The following ZNF665 variants were observed in gnomAD, a reference collection of about 807,000 sequenced individuals.
ZNF665 encodes zinc finger protein 665.
In ZNF665, 6 loss-of-function variants were observed where a neutral mutation model predicts 7.9. The observed-to-expected ratio is 0.76, with a 90% CI of 0.42 to 1.50. The LOEUF (loss-of-function observed/expected upper bound fraction) is 1.50, where lower values mean the gene tolerates loss of function less well. ZNF665 is among the 40% of genes most tolerant of loss of function. The pLI is 0.01. For synonymous variants in ZNF665, 242 were observed against 274.5 expected, an observed-to-expected ratio of 0.88 and a Z score of 1.17; for missense variants, 819 against 806.7, an observed-to-expected ratio of 1.02 and a Z score of -0.18.
chr19:53,173,708 G>A (rs1478923778), intron 3 of ZNF665, among the ~76,000 whole-genome samples: 1 of 152,002 alleles, frequency 6.6e-6, no homozygotes, highest in Non-Finnish European at 1.5e-5. Context: ...ACTGGTTGAT[G>A]TGTCTATTTT....
chr19:53,165,491 C>G lies in ZNF665; in HGVS notation c.999G>C (p.Leu333=), dbSNP rs762816780. The change falls in exon 4 of 4, where the codon CTG becomes CTC. Residue 333 remains leucine, a synonymous_variant. Transcript: ENST00000396424. ...CGKAFSVRSS[L]TTHQTIHTGE... Reference sequence around the variant, plus strand: ...CAGTGTGGATTGTCTGATGGGTAGTCAGGCTTGAGCGAACACTAAAGGCTT... The same window carrying G: ...CAGTGTGGATTGTCTGATGGGTAGTGAGGCTTGAGCGAACACTAAAGGCTT... 3.1e-6 allele frequency: 5 copies of G among 1,606,878 alleles called. No homozygotes were observed. Among genetic ancestry groups the G allele is most frequent in the Non-Finnish European group, 4.2e-6 (5 of 1,177,562 alleles).
In ZNF665 at chr19:53,165,130, C is replaced by T. The variant is rs1437005866; in HGVS notation, c.1360G>A (p.Gly454Arg). ...SLTTHQAIHTGEKPYKCNDCG... is the reference protein window; with the variant it reads ...SLTTHQAIHTREKPYKCNDCG... ...TCATTACATTTGTAAGGCTTTTCTC[C>T]AGTATGAATTGCCTGATGGGTAGTT... Residue 454 changes from glycine (G) to arginine (R), a missense_variant, in exon 4 of 4, where the codon GGA (glycine) becomes AGA (arginine). Physicochemically the swap from Gly to Arg is moderately radical, Grantham distance 125. Transcript: ENST00000396424. 1.2e-6 allele frequency: 2 copies of T among 1,614,046 alleles called. No homozygotes were observed. The highest frequency in any genetic ancestry group is 1.7e-6 in the Non-Finnish European group (2 of 1,180,016).
At chr19:53,172,272 C>T (rs1382561202) in intron 3 of ZNF665, among the ~76,000 whole-genome samples, 1 of 152,124 alleles carries the variant, frequency 6.6e-6, no homozygotes, top group Non-Finnish European at 1.5e-5. Flanking sequence ...TGTTCAAGGG[C>T]CAACTGTATA....
chr19:53,173,167 T>C (rs1353660011), intron 3 of ZNF665, among the ~76,000 whole-genome samples: 1 of 152,162 alleles, frequency 6.6e-6, no homozygotes, highest in Non-Finnish European at 1.5e-5. Context: ...TTTTACATTA[T>C]CAGGTCTTAC....
intron 3 of ZNF665, among the ~76,000 whole-genome samples, chr19:53,173,662 C>T (rs1450988445): frequency 6.6e-5 from 10 of 151,862 alleles, no homozygotes; most frequent in African/African-American, 2.4e-4. Flanking sequence ...GGAAAGCCAC[C>T]GCATCTAGCA....
At chr19:53,174,876 T>C (rs1335541431) in intron 3 of ZNF665, among the ~76,000 whole-genome samples, 1 of 151,012 alleles carries the variant, frequency 6.6e-6, no homozygotes, top group Non-Finnish European at 1.5e-5. Context: ...GAGGCGGTAG[T>C]TGCGGTTGCA....
At chr19:53,180,505 AAC>A (rs746950767) in intron 2 of ZNF665, 1 of 152,206 alleles carries the variant, frequency 6.6e-6, no homozygotes, top group Non-Finnish European at 1.5e-5. Flanking sequence ...CAAATGATAA[AAC>A]ACATACAATT....
Position 53,166,078 on chromosome 19 carries a change from C to T in ZNF665, c.412G>A (p.Glu138Lys), listed in dbSNP as rs754765404. ...DRRAAGNRHI[E>K]NQLGVSFQSH... ...TGAAAGCTTACTCCAAGCTGATTTTCAATATGCCTGTTTCCTGCAGCCCTT... is the reference window on the plus strand; with the variant it reads ...TGAAAGCTTACTCCAAGCTGATTTTTAATATGCCTGTTTCCTGCAGCCCTT... The change falls in exon 4 of 4, where the codon GAA becomes AAA. Residue 138 changes from glutamate (E) to lysine (K), a missense_variant. Transcript: ENST00000396424. 6 of 1,614,108 alleles carry T rather than the reference C, an allele frequency of 3.7e-6. No individual in the cohort carries two copies. Among genetic ancestry groups the T allele is most frequent in the South Asian group, 3.3e-5 (3 of 91,080 alleles).
In ZNF665 at chr19:53,171,524, A is replaced by ATTTTTTTTTT. The variant is rs1215685651; in HGVS notation, c.142+3911_142+3920dup. ...TGTGTGTATATATATATATATATAT[A>ATTTTTTTTTT]TTTTTTTTTTTTTTTTCTTTTTTTA... On this transcript the variant is annotated intron_variant, in intron 3 of 3. Coordinates refer to ENST00000396424, the MANE Select transcript of ZNF665 (RefSeq NM_024733.5). Among the ~76,000 whole-genome samples, 16 of 69,322 alleles carry ATTTTTTTTTT rather than the reference A, an allele frequency of 2.3e-4. 1 individual carries two copies. The highest frequency in any genetic ancestry group is 8.3e-4 in the African/African-American group (16 of 19,314). The allele number at this position is 69,322 out of a possible 152,430, so 45.5% of individuals were successfully genotyped here.
chr19:53,185,647 A>T (rs536753667), intron 1 of ZNF665, among the ~76,000 whole-genome samples: 1 of 152,214 alleles, frequency 6.6e-6, no homozygotes, highest in Non-Finnish European at 1.5e-5. Flanking sequence ...GACAGGAACC[A>T]AGAAGCTCAG....
At chr19:53,180,919 A>T (rs1486894992) in intron 2 of ZNF665, 2 of 152,214 alleles carry the variant, frequency 1.3e-5, no homozygotes, top group Admixed American at 1.3e-4. Context: ...ATGAAATCCT[A>T]AGATTAGGAC....
rs200285647 is a variant in ZNF665, at chr19:53,164,590, C to G, written c.1900G>C (p.Ala634Pro). ...GTTAGGGTTGAACGAACACTGAAGG[C>G]TTTCCCACACTCATTACACCTATAA... ...KPYRCNECGK[A>P]FSVRSTLTTH... The change falls in exon 4 of 4, where the codon GCC becomes CCC. Residue 634 changes from alanine (A) to proline (P), a missense_variant. Transcript: ENST00000396424. The G allele has an allele frequency of 6.9e-5, 112 of 1,614,156 alleles. No homozygotes were observed. The highest frequency in any genetic ancestry group is 9.2e-5 in the Non-Finnish European group (108 of 1,180,010).
At chr19:53,176,949 G>A (rs535556738) in intron 2 of ZNF665, among the ~76,000 whole-genome samples, 3 of 152,098 alleles carry the variant, frequency 2.0e-5, no homozygotes, top group East Asian at 2.0e-4. Context: ...GCAAAACCCC[G>A]TCTCTACTAA....
At chr19:53,172,128 T>G (rs2090663135) in intron 3 of ZNF665, among the ~76,000 whole-genome samples, 1 of 152,200 alleles carries the variant, frequency 6.6e-6, no homozygotes, top group Non-Finnish European at 1.5e-5. Context: ...AATTTTTTCT[T>G]AATTTTTATA....
rs1401878291 is a variant in ZNF665 at position 53,189,704 on chromosome 19, G to A, written c.-46+3608C>T. On this transcript the variant is annotated intron_variant, in intron 1 of 3. Transcript: ENST00000396424. ...GACGGTTAGGCCTCCGGATAACTGC[G>A]GGCGAGCCTGACTGATGTCAGGCCC... Among the ~76,000 whole-genome samples the A allele has an allele frequency of 1.1e-4, 16 of 149,160 alleles. No individual in the cohort carries two copies. In the East Asian group the frequency reaches 1.6e-3, roughly 15 times the overall value.
intron 1 of ZNF665, among the ~76,000 whole-genome samples, chr19:53,185,313 C>T (rs1396519098): frequency 6.6e-6 from 1 of 151,956 alleles, no homozygotes; most frequent in East Asian, 1.9e-4. Context: ...ACCGCTAGAC[C>T]AAGGAGCCCT....
At position 53,182,867 on chromosome 19, in the gene ZNF665, C is replaced by T. The variant is rs376685138; in HGVS notation, c.15+17G>A. ...AAAGGAAGGAGACAGAACAATCCAC[C>T]GAGAATATCATCTCACCTGAGGAAG... is the stretch of plus-strand genomic sequence containing the variant. On this transcript the variant is annotated intron_variant, in intron 2 of 3. Coordinates refer to ENST00000396424, the MANE Select transcript of ZNF665 (RefSeq NM_024733.5). 1.0e-4 allele frequency: 167 copies of T among 1,613,066 alleles called. 2 individuals are homozygous for T. The African/African-American group carries it at 1.3e-3, about 12-fold the overall frequency.
rs1271373888 is a variant in ZNF665, at chr19:53,171,522, A to ATT, written c.142+3922_142+3923insAA. On this transcript the variant is annotated intron_variant, in intron 3 of 3. Transcript: ENST00000396424. ...TGTGTGTGTATATATATATATATATATATTTTTTTTTTTTTTTTCTTTTTT... is the reference window on the plus strand; with the variant it reads ...TGTGTGTGTATATATATATATATATATTTATTTTTTTTTTTTTTTTCTTTTTT... Among the ~76,000 whole-genome samples the ATT allele has an allele frequency of 8.8e-3, 663 of 75,342 alleles. 5 individuals carry two copies. The highest frequency in any genetic ancestry group is 0.016 in the Middle Eastern group (3 of 182). The allele number at this position is 75,342 out of a possible 152,430, so 49.4% of individuals were successfully genotyped here.
intron 1 of ZNF665, among the ~76,000 whole-genome samples, chr19:53,183,622 A>G (rs1460380128): frequency 7.2e-6 from 1 of 139,538 alleles, no homozygotes; most frequent in Non-Finnish European, 1.6e-5. Context: ...CAATACAGAC[A>G]AGAGGTGAGG....
Sources: allele counts gnomAD v4.1 joint callset (sites outside exome capture counted in the v4.1 genomes callset), GRCh38; gene constraint gnomAD v4.1.1; transcripts MANE v1.5; gene names NCBI Gene and HGNC (gene_info 2026-07-23, HGNC 2026-07-21).